The following OTUD7A variants were observed in gnomAD, a reference collection of about 807,000 sequenced individuals.
OTUD7A encodes the protein OTU deubiquitinase 7A, also known as OTU domain-containing protein 7A.
A neutral mutation model predicts 65.7 loss-of-function variants in OTUD7A; 12 were observed. That is an observed-to-expected ratio of 0.18 (90% CI 0.12 to 0.30). The LOEUF is 0.30. Among genes scored for constraint, OTUD7A ranks in the 10% least tolerant of loss-of-function variants. The pLI is 1.00. For synonymous variants in OTUD7A, 641 were observed against 586.3 expected (o/e 1.09, Z -1.35); for missense variants, 1,148 against 1,304.8 (o/e 0.88, Z 1.85).
chr15:31,759,047 C>T (rs1894889997), intron 1 of OTUD7A, among the ~76,000 whole-genome samples: 2 of 152,172 alleles, frequency 1.3e-5, no homozygotes, highest in African/African-American at 4.8e-5. Context: ...CGTGGGTTGT[C>T]AATCTTAAAA....
At chr15:31,595,629 C>T (rs1013009826) in intron 3 of OTUD7A, among the ~76,000 whole-genome samples, 3 of 152,234 alleles carry the variant, frequency 2.0e-5, no homozygotes, top group Non-Finnish European at 4.4e-5. Context: ...TAAAACAGTG[C>T]AAATTTACTA....
At chr15:31,701,369 T>C (rs1893209506) in intron 1 of OTUD7A, among the ~76,000 whole-genome samples, 1 of 151,194 alleles carries the variant, frequency 6.6e-6, no homozygotes, top group African/African-American at 2.4e-5. Context: ...TACAATTTTT[T>C]CCTAACTTAA....
intron 1 of OTUD7A, among the ~76,000 whole-genome samples, chr15:31,711,444 T>C (rs926380832): frequency 1.3e-4 from 20 of 151,592 alleles, no homozygotes; most frequent in African/African-American, 4.9e-4. Context: ...TCTCCCTCTC[T>C]CTTGCCTTAC....
intron 1 of OTUD7A, among the ~76,000 whole-genome samples, chr15:31,823,714 T>C (rs1248618452): frequency 6.6e-6 from 1 of 152,176 alleles, no homozygotes; most frequent in African/African-American, 2.4e-5. Context: ...ACGTGTACCT[T>C]AGAACCTAAA....
intron 12 of OTUD7A, among the ~76,000 whole-genome samples, chr15:31,485,596 C>T (rs2041225943): frequency 6.6e-6 from 1 of 152,110 alleles, no homozygotes; most frequent in South Asian, 2.1e-4. Flanking sequence ...GGTGGGAGAG[C>T]AGAGAGGCAG....
chr15:31,616,364 G>A (rs1416079865), intron 3 of OTUD7A, among the ~76,000 whole-genome samples: 3 of 152,054 alleles, frequency 2.0e-5, no homozygotes, highest in Non-Finnish European at 2.9e-5. Flanking sequence ...AAAGAGAAGT[G>A]GAAAATCCTT....
At chr15:31,596,890 A>G (rs1398510828) in intron 3 of OTUD7A, among the ~76,000 whole-genome samples, 2 of 152,018 alleles carry the variant, frequency 1.3e-5, no homozygotes, top group African/African-American at 4.8e-5. Flanking sequence ...TACATGTTTT[A>G]TGAATATTAT....
At position 31,679,001 on chromosome 15, in the gene OTUD7A, A is replaced by G. The variant is rs369069961; in HGVS notation, c.-99-21924T>C. 3.1e-4 allele frequency among the ~76,000 whole-genome samples: 47 copies of G among 152,388 alleles called. 1 individual carries two copies. The South Asian group carries it at 9.5e-3, about 31-fold the overall frequency. On this transcript the variant is annotated intron_variant, in intron 1 of 12. Coordinates refer to ENST00000307050, the MANE Select transcript of OTUD7A (RefSeq NM_001382637.1). ...CAATACCACAGGGATGGAGCTGCCC[A>G]AGGCTGTAGGAGCTCACCTGTTCCA... is the stretch of plus-strand genomic sequence containing the variant.
intron 1 of OTUD7A, among the ~76,000 whole-genome samples, chr15:31,846,672 C>T (rs1897299989): frequency 6.6e-6 from 1 of 152,176 alleles, no homozygotes. Flanking sequence ...ACATTCAACA[C>T]AGTGTCACAT....
Position 31,478,717 on chromosome 15 carries a change from A to C in OTUD7A, c.*4577T>G, listed in dbSNP as rs2041064636. 6.6e-6 allele frequency: 1 copy of C among 152,204 alleles called. No homozygotes were observed. Among genetic ancestry groups the C allele is most frequent in the African/African-American group, 2.4e-5 (1 of 41,428 alleles). 9.4% of individuals were successfully genotyped at this position (152,204 alleles called of 1,614,324 possible). On this transcript the variant is annotated 3_prime_UTR_variant, in exon 13 of 13. Transcript: ENST00000307050. ...GGGAGGAATAATAGATCTTTTGGCA[A>C]AGAAGGGACCTGCATAACTGCTAAC...
chr15:31,577,275 G>A (rs546461157), intron 3 of OTUD7A, among the ~76,000 whole-genome samples: 116 of 152,280 alleles, frequency 7.6e-4, no homozygotes, highest in Middle Eastern at 3.4e-3. Flanking sequence ...CATTTGCGAT[G>A]TATTCTCTCT....
chr15:31,797,022 C>T (rs572900385), intron 1 of OTUD7A, among the ~76,000 whole-genome samples: 11 of 152,198 alleles, frequency 7.2e-5, no homozygotes, highest in Admixed American at 4.6e-4. Context: ...GCGTGAGCCA[C>T]GGCACCTGGC....
At position 31,503,513 on chromosome 15, in the gene OTUD7A, G is replaced by A. The variant is rs559635506; in HGVS notation, c.1021+178C>T. Among the ~76,000 whole-genome samples, 9 of 152,334 alleles carry A rather than the reference G, an allele frequency of 5.9e-5. No individual in the cohort carries two copies. In the South Asian group the frequency reaches 1.5e-3, roughly 25 times the overall value. ...CTGCCGTTGATAGGCAGGGCAGCTAGTCAAGAACAATCTCTGCTGCCATCA... is the reference window on the plus strand; with the variant it reads ...CTGCCGTTGATAGGCAGGGCAGCTAATCAAGAACAATCTCTGCTGCCATCA... On this transcript the variant is annotated intron_variant, in intron 9 of 12. Coordinates refer to ENST00000307050, the MANE Select transcript of OTUD7A (RefSeq NM_001382637.1).
Position 31,500,268 on chromosome 15 carries a change from C to T in OTUD7A, c.1171+1422G>A, listed in dbSNP as rs187405671. Reference sequence around the variant, plus strand: ...GAAAGTGGGGAGACAATGGAAAGACCGGAGCACCTCCGAGGCCTTACTGAT... The same window carrying T: ...GAAAGTGGGGAGACAATGGAAAGACTGGAGCACCTCCGAGGCCTTACTGAT... On this transcript the variant is annotated intron_variant, in intron 10 of 12. Coordinates refer to ENST00000307050, the MANE Select transcript of OTUD7A (RefSeq NM_001382637.1). Among the ~76,000 whole-genome samples, 45 of 152,330 alleles carry T rather than the reference C, an allele frequency of 3.0e-4. 1 individual carries two copies. Among genetic ancestry groups the T allele is most frequent in the African/African-American group, 8.9e-4 (37 of 41,574 alleles).
chr15:31,560,570 C>A (rs990674291), intron 4 of OTUD7A, among the ~76,000 whole-genome samples: 4 of 152,202 alleles, frequency 2.6e-5, no homozygotes, highest in Admixed American at 1.3e-4. Context: ...AATAGGTTAT[C>A]TTTTCTCATA....
intron 3 of OTUD7A, among the ~76,000 whole-genome samples, chr15:31,582,934 T>C (rs1444179934): frequency 2.0e-5 from 3 of 152,194 alleles, no homozygotes; most frequent in Non-Finnish European, 2.9e-5. Context: ...GCTGAATTAC[T>C]GAAAGCCACA....
intron 1 of OTUD7A, chr15:31,767,734 A>G (rs1431774040): frequency 5.6e-6 from 4 of 712,874 alleles, no homozygotes; most frequent in Middle Eastern, 3.8e-4. Flanking sequence ...TTTTCTCGGC[A>G]TTTTCCTGAG....
chr15:31,562,491 G>T (rs559090545), intron 4 of OTUD7A, among the ~76,000 whole-genome samples: 2 of 152,146 alleles, frequency 1.3e-5, no homozygotes, highest in African/African-American at 4.8e-5. Flanking sequence ...CACCTCAAAG[G>T]CTTTGGCCCA....
intron 1 of OTUD7A, among the ~76,000 whole-genome samples, chr15:31,845,688 C>G (rs1233709252): frequency 1.3e-5 from 2 of 152,232 alleles, no homozygotes; most frequent in Non-Finnish European, 2.9e-5. Flanking sequence ...CCTCCTAGCA[C>G]CTCTGCAATG....
Sources: allele counts gnomAD v4.1 joint callset (sites outside exome capture counted in the v4.1 genomes callset), GRCh38; gene constraint gnomAD v4.1.1; transcripts MANE v1.5; gene names NCBI Gene and HGNC (gene_info 2026-07-23, HGNC 2026-07-21).